Variants in HS3ST5 observed in about 807,000 individuals in gnomAD.
The protein encoded by HS3ST5 is heparan sulfate-glucosamine 3-sulfotransferase 5.
A neutral mutation model predicts 25.4 loss-of-function variants in HS3ST5; 10 were observed. The observed-to-expected ratio is 0.39, with a 90% confidence interval of 0.24 to 0.67. HS3ST5 has a LOEUF of 0.67. HS3ST5 is among the 30% of genes least tolerant of loss of function. The pLI is 0.44. For synonymous variants in HS3ST5, 170 were observed against 162.4 expected, an observed-to-expected ratio of 1.05 and a Z score of -0.36; for missense variants, 324 against 420.7, an observed-to-expected ratio of 0.77 and a Z score of 2.01.
At position 114,336,175 on chromosome 6, in the gene HS3ST5, A is replaced by C. The variant is rs547280373; in HGVS notation, c.-339+6020T>G. ...TATGATGATGGTATGTTGATGTTAA[A>C]GATGGTGGTGATGACAGCAGTATCA... On this transcript the variant is annotated intron_variant, in intron 1 of 4. Transcript: ENST00000312719. Among the ~76,000 whole-genome samples the C allele has an allele frequency of 5.9e-5, 9 of 152,348 alleles. No individual in the cohort carries two copies. The East Asian group carries it at 1.7e-3, about 29-fold the overall frequency.
At chr6:114,240,267 G>A (rs1418951730) in intron 1 of HS3ST5, among the ~76,000 whole-genome samples, 2 of 152,128 alleles carry the variant, frequency 1.3e-5, no homozygotes, top group African/African-American at 2.4e-5. Context: ...CCTTCATCAT[G>A]GCCTCCCTAT....
At chr6:114,284,193 T>A (rs931343621) in intron 1 of HS3ST5, among the ~76,000 whole-genome samples, 1 of 152,022 alleles carries the variant, frequency 6.6e-6, no homozygotes, top group South Asian at 2.1e-4. Flanking sequence ...CATTAAAGTA[T>A]TTTAAAGTTT....
intron 1 of HS3ST5, among the ~76,000 whole-genome samples, chr6:114,247,444 G>C (rs1772434233): frequency 6.6e-6 from 1 of 152,106 alleles, no homozygotes; most frequent in Non-Finnish European, 1.5e-5. Context: ...ACTCCAAAAA[G>C]CAGAAAATGC....
At chr6:114,172,846 A>C (rs1779535436) in intron 2 of HS3ST5, among the ~76,000 whole-genome samples, 1 of 152,252 alleles carries the variant, frequency 6.6e-6, no homozygotes, top group South Asian at 2.1e-4. Context: ...AAGTGCTAGT[A>C]AGTCTGAAAA....
At chr6:114,291,662 A>G (rs979132535) in intron 1 of HS3ST5, among the ~76,000 whole-genome samples, 2 of 152,224 alleles carry the variant, frequency 1.3e-5, no homozygotes, top group African/African-American at 4.8e-5. Flanking sequence ...AGAATGTCTG[A>G]TAAATGGATG....
intron 1 of HS3ST5, among the ~76,000 whole-genome samples, chr6:114,301,973 TCTTCGCTGG>T (rs1775094180): frequency 6.6e-6 from 1 of 152,228 alleles, no homozygotes; most frequent in South Asian, 2.1e-4. Flanking sequence ...ATTTATTAGA[TCTTCGCTGG>T]CTTTCAACAT....
At chr6:114,211,642 CT>C (rs1562239541) in intron 2 of HS3ST5, among the ~76,000 whole-genome samples, 2 of 152,092 alleles carry the variant, frequency 1.3e-5, no homozygotes, top group African/African-American at 4.8e-5. Flanking sequence ...AAGCATTTAA[CT>C]TTATAAATAT....
At chr6:114,180,855 A>G (rs1312090434) in intron 2 of HS3ST5, among the ~76,000 whole-genome samples, 1 of 152,228 alleles carries the variant, frequency 6.6e-6, no homozygotes, top group Non-Finnish European at 1.5e-5. Flanking sequence ...TACACAATTC[A>G]GTTCATAGCA....
chr6:114,281,491 C>T (rs1029977899), intron 1 of HS3ST5, among the ~76,000 whole-genome samples: 1 of 151,982 alleles, frequency 6.6e-6, no homozygotes, highest in Non-Finnish European at 1.5e-5. Context: ...ATGTAGACTT[C>T]GGATTCCTTG....
intron 1 of HS3ST5, among the ~76,000 whole-genome samples, chr6:114,281,538 T>A (rs1774110531): frequency 6.6e-6 from 1 of 151,936 alleles, no homozygotes; most frequent in South Asian, 2.1e-4. Context: ...TGTGGCCACA[T>A]GGAAAACAGC....
At chr6:114,236,989 G>A (rs1160458606) in intron 1 of HS3ST5, among the ~76,000 whole-genome samples, 1 of 152,208 alleles carries the variant, frequency 6.6e-6, no homozygotes, top group Non-Finnish European at 1.5e-5. Context: ...TACACTGAAA[G>A]TGAGCTACCC....
At chr6:114,127,936 T>TTA (rs961547048) in intron 3 of HS3ST5, among the ~76,000 whole-genome samples, 10 of 149,740 alleles carry the variant, frequency 6.7e-5, no homozygotes, top group Non-Finnish European at 8.9e-5. Context: ...ATGGAGAAAT[T>TTA]TATATATATA....
chr6:114,269,624 T>C (rs1158182002), intron 1 of HS3ST5, among the ~76,000 whole-genome samples: 3 of 152,266 alleles, frequency 2.0e-5, no homozygotes, highest in African/African-American at 7.2e-5. Context: ...TCTCTGGTGA[T>C]TGAAGCAAGG....
At chr6:114,198,501 AC>A (rs1780866202) in intron 2 of HS3ST5, among the ~76,000 whole-genome samples, 1 of 152,228 alleles carries the variant, frequency 6.6e-6, no homozygotes, top group African/African-American at 2.4e-5. Context: ...TCCAAGATCA[AC>A]CCAAAGGAAC....
chr6:114,084,345 C>T (rs1238839227), intron 3 of HS3ST5: 3 of 759,126 alleles, frequency 4.0e-6, no homozygotes, highest in Admixed American at 3.4e-5. Context: ...TAGCAGTGAA[C>T]TCAGGAGCTG....
chr6:114,302,449 T>A (rs1305800826), intron 1 of HS3ST5, among the ~76,000 whole-genome samples: 1 of 152,136 alleles, frequency 6.6e-6, no homozygotes, highest in African/African-American at 2.4e-5. Context: ...ATATGCAAAA[T>A]TAAACTATCA....
chr6:114,275,798 A>AT (rs2114717407), intron 1 of HS3ST5, among the ~76,000 whole-genome samples: 1 of 152,028 alleles, frequency 6.6e-6, no homozygotes, highest in Non-Finnish European at 1.5e-5. Flanking sequence ...ATTCTTTTTA[A>AT]TTTTTTCCCC....
chr6:114,179,560 T>C (rs1417949953), intron 2 of HS3ST5, among the ~76,000 whole-genome samples: 1 of 152,076 alleles, frequency 6.6e-6, no homozygotes, highest in Non-Finnish European at 1.5e-5. Context: ...TAAATACTGG[T>C]TCAATACTGC....
chr6:114,192,754 C>T (rs903335604), intron 2 of HS3ST5, among the ~76,000 whole-genome samples: 4 of 152,058 alleles, frequency 2.6e-5, no homozygotes, highest in Admixed American at 6.6e-5. Flanking sequence ...GAAAATTGGT[C>T]CCAGAGTCAT....
Sources: gnomAD v4.1 joint callset for allele counts (sites outside exome capture counted in the v4.1 genomes callset) on GRCh38, gnomAD v4.1.1 for gene constraint, MANE v1.5 for transcripts, NCBI Gene and HGNC (gene_info 2026-07-23, HGNC 2026-07-21) for gene names.